The following LAPTM4B variants were observed in gnomAD, a reference collection of about 807,000 sequenced individuals.
The protein encoded by LAPTM4B is lysosomal-associated transmembrane protein 4B.
A neutral mutation model predicts 28.5 loss-of-function variants in LAPTM4B; 26 were observed. That is an observed-to-expected ratio of 0.91 (90% confidence interval 0.67 to 1.27). LAPTM4B has a LOEUF of 1.27. Ranked by LOEUF, LAPTM4B falls within the 50% of genes most tolerant of loss-of-function variation. The pLI is 0.00. For synonymous variants in LAPTM4B, 109 were observed against 106.4 expected, an observed-to-expected ratio of 1.02 and a Z score of -0.15; for missense variants, 288 against 285.8, an observed-to-expected ratio of 1.01 and a Z score of -0.06.
chr8:97,815,395 G>T lies in LAPTM4B; in HGVS notation c.279G>T (p.Ala93=). The T allele has an allele frequency of 1.2e-6, 2 of 1,612,420 alleles. No homozygotes were observed. The highest frequency in any genetic ancestry group is 1.7e-6 in the Non-Finnish European group (2 of 1,178,496). Residue 93 remains alanine, a synonymous_variant, in exon 3 of 7, where the codon GCG becomes GCT. Transcript: ENST00000521545. ...ILICAMATYG[A]YKQRAAWIIP... ...TATGTGCTATGGCTACTTACGGAGC[G>T]TACAAGGTAAGCCGCTTGCAGTAAG... is the stretch of plus-strand genomic sequence containing the variant.
intron 2 of LAPTM4B, among the ~76,000 whole-genome samples, chr8:97,806,907 G>A (rs1816762804): frequency 6.6e-6 from 1 of 152,138 alleles, no homozygotes. Context: ...GCAGTGAGCC[G>A]AGATCGCGCC....
chr8:97,793,884 G>T (rs115063569), intron 1 of LAPTM4B, among the ~76,000 whole-genome samples: 3 of 152,324 alleles, frequency 2.0e-5, no homozygotes, highest in African/African-American at 7.2e-5. Context: ...ATAGCTCACT[G>T]CAGCCTTGAA....
Position 97,802,181 on chromosome 8 carries a change from T to C in LAPTM4B, c.100-3172T>C, listed in dbSNP as rs538454648. The stretch of plus-strand genomic sequence containing the variant: ...GATTGAGTCCATAGAGTAAAGTGAG[T>C]GTAAGTTTATTAAGTAAAGAAACAA... On this transcript the variant is annotated intron_variant, in intron 1 of 6. Coordinates refer to ENST00000521545, the MANE Select transcript of LAPTM4B (RefSeq NM_018407.6). Among the ~76,000 whole-genome samples, 106 of 152,208 alleles carry C rather than the reference T, an allele frequency of 7.0e-4. 1 individual carries two copies. In the South Asian group the frequency reaches 0.021, roughly 30 times the overall value.
chr8:97,785,588 C>T (rs1256318862), intron 1 of LAPTM4B, among the ~76,000 whole-genome samples: 1 of 152,058 alleles, frequency 6.6e-6, no homozygotes, highest in Non-Finnish European at 1.5e-5. Context: ...CTGACGTTGC[C>T]CTGACTGTAC....
At chr8:97,846,870 A>G (rs906606809) in intron 6 of LAPTM4B, among the ~76,000 whole-genome samples, 26 of 152,268 alleles carry the variant, frequency 1.7e-4, no homozygotes, top group Middle Eastern at 6.8e-3. Context: ...AGTTTCCCCA[A>G]ATTATTAATG....
At chr8:97,829,964 G>C (rs1817154073) in intron 6 of LAPTM4B, among the ~76,000 whole-genome samples, 2 of 152,042 alleles carry the variant, frequency 1.3e-5, no homozygotes, top group Admixed American at 1.3e-4. Context: ...TAATGTGCTG[G>C]GATTACAGGC....
chr8:97,797,561 A>T (rs1296240692), intron 1 of LAPTM4B, among the ~76,000 whole-genome samples: 1 of 152,228 alleles, frequency 6.6e-6, no homozygotes, highest in East Asian at 1.9e-4. Context: ...TTTAATATTC[A>T]GTCATTCTAC....
chr8:97,815,226 G>T, intron 2 of LAPTM4B, 102 bp from the exon 3 acceptor site: 1 of 786,658 alleles, frequency 1.3e-6, no homozygotes, highest in Non-Finnish European at 2.2e-6. Context: ...CTAACTTTAT[G>T]CTAGTTTATT....
At chr8:97,791,304 T>C (rs943912920) in intron 1 of LAPTM4B, among the ~76,000 whole-genome samples, 1 of 152,204 alleles carries the variant, frequency 6.6e-6, no homozygotes, top group Non-Finnish European at 1.5e-5. Flanking sequence ...TAAAATGTTC[T>C]TTAAGACATG....
chr8:97,829,668 T>G (rs1019964794), intron 6 of LAPTM4B, among the ~76,000 whole-genome samples: 3 of 150,654 alleles, frequency 2.0e-5, no homozygotes, highest in Non-Finnish European at 4.4e-5. Context: ...ATTGGGGGAG[T>G]TTTTGCTGAA....
intron 6 of LAPTM4B, among the ~76,000 whole-genome samples, chr8:97,850,476 G>GTGTGTGTGTGTGTA (rs151009828): frequency 2.7e-5 from 4 of 147,556 alleles, no homozygotes; most frequent in African/African-American, 5.1e-5. Context: ...GTGTGTGTGT[G>GTGTGTGTGTGTGTA]TGTGTGTGTG....
chr8:97,780,827 T>C lies in LAPTM4B; in HGVS notation c.99+4719T>C, dbSNP rs559571222. 6.6e-5 allele frequency among the ~76,000 whole-genome samples: 10 copies of C among 152,334 alleles called. No homozygotes were observed. The East Asian group carries it at 1.9e-3, about 29-fold the overall frequency. On this transcript the variant is annotated intron_variant, in intron 1 of 6. Transcript: ENST00000521545. ...TGTCTTGGAATAATAAAAGTTTTCC[T>C]TCAGTCCTGAAGTAAAGTATATTGA...
At chr8:97,841,620 G>A (rs1817351153) in intron 6 of LAPTM4B, among the ~76,000 whole-genome samples, 1 of 152,178 alleles carries the variant, frequency 6.6e-6, no homozygotes, top group African/African-American at 2.4e-5. Flanking sequence ...GAGCCACTGC[G>A]ACCAGATATC....
chr8:97,798,510 T>C (rs2129755405), intron 1 of LAPTM4B, among the ~76,000 whole-genome samples: 1 of 152,304 alleles, frequency 6.6e-6, no homozygotes. Context: ...GTGTCCCCTC[T>C]ATCTGGACGG....
chr8:97,834,144 G>GAAAATAAAAAAAAAAAAAAAAA (rs1817224939), intron 6 of LAPTM4B, among the ~76,000 whole-genome samples: 1 of 75,344 alleles, frequency 1.3e-5, no homozygotes, highest in Non-Finnish European at 3.0e-5. Context: ...TGTCTCTACA[G>GAAAATAAAAAAAAAAAAAAAAA]AAAAAAAAAA....
intron 5 of LAPTM4B, among the ~76,000 whole-genome samples, chr8:97,819,589 A>G (rs977430562): frequency 6.6e-6 from 1 of 151,196 alleles, no homozygotes. Flanking sequence ...TTCTATCTCA[A>G]TCCATTATAT....
chr8:97,814,607 G>A lies in LAPTM4B; in HGVS notation c.212-721G>A, dbSNP rs543488581. Among the ~76,000 whole-genome samples, 14 of 152,258 alleles carry A rather than the reference G, an allele frequency of 9.2e-5. No individual in the cohort carries two copies. The South Asian group carries it at 2.7e-3, about 29-fold the overall frequency. ...CTGTCTTAGAGCAAGCAAGAGAGTG[G>A]GACAAGGTGAGGCGAGATTAGAGAG... On this transcript the variant is annotated intron_variant, in intron 2 of 6. Coordinates refer to ENST00000521545, the MANE Select transcript of LAPTM4B (RefSeq NM_018407.6).
In LAPTM4B at chr8:97,852,674, G is replaced by A. The variant is rs564985938; in HGVS notation, c.*1200G>A. On this transcript the variant is annotated 3_prime_UTR_variant, in exon 7 of 7. Transcript: ENST00000521545. Reference sequence around the variant, plus strand: ...ACATATGGTCTGGCAGATGCACCCAGTTCAGCCTAAGGAGTAGGCTTTTTT... The same window carrying A: ...ACATATGGTCTGGCAGATGCACCCAATTCAGCCTAAGGAGTAGGCTTTTTT... 175 of 139,814 alleles carry A rather than the reference G, an allele frequency of 1.3e-3. No individual in the cohort carries two copies. Among genetic ancestry groups the A allele is most frequent in the African/African-American group, 5.3e-3 (167 of 31,438 alleles). The allele number at this position is 139,814 out of a possible 1,614,324, so 8.7% of individuals were successfully genotyped here. A position where few individuals can be genotyped will look rare whatever the true frequency, so the allele number is the denominator to read the frequency against.
At chr8:97,789,897 CCTT>C (rs1362318995) in intron 1 of LAPTM4B, among the ~76,000 whole-genome samples, 1 of 152,176 alleles carries the variant, frequency 6.6e-6, no homozygotes, top group African/African-American at 2.4e-5. Flanking sequence ...TGGTAACCAT[CCTT>C]CTACTCTCTA....
Sources: gnomAD v4.1 joint callset for allele counts (sites outside exome capture counted in the v4.1 genomes callset) on GRCh38, gnomAD v4.1.1 for gene constraint, MANE v1.5 for transcripts, NCBI Gene and HGNC (gene_info 2026-07-23, HGNC 2026-07-21) for gene names.